Variants in CEP85L observed in about 807,000 individuals in gnomAD.
CEP85L encodes centrosomal protein 85L.
A neutral mutation model predicts 100.3 loss-of-function variants in CEP85L; 60 were observed. That is an observed-to-expected ratio of 0.60 (90% CI 0.49 to 0.74). The LOEUF (loss-of-function observed/expected upper bound fraction) is 0.74. Ranked by LOEUF, CEP85L falls within the 30% of genes least tolerant of loss-of-function variation. CEP85L has a pLI of 0.00. For missense variants in CEP85L, 973 were observed against 936.2 expected (o/e 1.04, Z -0.51); for synonymous variants, 319 against 322.7 (o/e 0.99, Z 0.12).
intron 1 of CEP85L, among the ~76,000 whole-genome samples, chr6:118,678,661 A>C (rs868515633): frequency 6.6e-6 from 1 of 152,256 alleles, no homozygotes; most frequent in Non-Finnish European, 1.5e-5. Flanking sequence ...GCAGCATTAA[A>C]CAATTTATAA....
At chr6:118,709,636 A>G (rs1412282007) in intron 1 of CEP85L, among the ~76,000 whole-genome samples, 6 of 151,950 alleles carry the variant, frequency 3.9e-5, no homozygotes, top group Admixed American at 3.9e-4. Context: ...TTTACGAATA[A>G]TAGGAAAGAC....
At chr6:118,678,307 G>A (rs1169361034) in intron 1 of CEP85L, among the ~76,000 whole-genome samples, 1 of 152,166 alleles carries the variant, frequency 6.6e-6, no homozygotes, top group Non-Finnish European at 1.5e-5. Context: ...AAAACACACT[G>A]GTCATGCATT....
chr6:118,635,991 T>C (rs372687825), intron 1 of CEP85L, among the ~76,000 whole-genome samples: 19 of 152,352 alleles, frequency 1.2e-4, no homozygotes, highest in African/African-American at 4.6e-4. Flanking sequence ...AAAACCTTTT[T>C]CTGTCAAGAG....
At chr6:118,512,113 C>T (rs1776006655) in intron 4 of CEP85L, among the ~76,000 whole-genome samples, 1 of 152,044 alleles carries the variant, frequency 6.6e-6, no homozygotes. Flanking sequence ...CAATTAAGAA[C>T]AGTAATCTCT....
chr6:118,502,842 T>C, intron 5 of CEP85L: 2 of 619,884 alleles, frequency 3.2e-6, no homozygotes, highest in South Asian at 3.2e-5. Context: ...GGGATTTCCA[T>C]TCCTTCCCCT....
At position 118,585,124 on chromosome 6, in the gene CEP85L, G is replaced by C. The variant is rs1024979001; in HGVS notation, c.233-18808C>G. ...AGTAGTCACTCTACATGACATCACT[G>C]AAAGTGTGTCACTCCCTCCAGGCAC... is the stretch of plus-strand genomic sequence containing the variant. On this transcript the variant is annotated intron_variant, in intron 2 of 12. Coordinates refer to ENST00000368491, the MANE Select transcript of CEP85L (RefSeq NM_001042475.3). Among the ~76,000 whole-genome samples the C allele has an allele frequency of 2.6e-5, 4 of 152,310 alleles. No individual in the cohort carries two copies. In the Middle Eastern group the frequency reaches 0.01, roughly 389 times the overall value.
At chr6:118,496,183 A>C (rs544503831) in intron 5 of CEP85L, among the ~76,000 whole-genome samples, 72 of 152,284 alleles carry the variant, frequency 4.7e-4, no homozygotes, top group Admixed American at 7.8e-4. Context: ...TAGCTGAAAA[A>C]TGTCACCTGA....
chr6:118,535,536 T>G (rs1777542164), intron 3 of CEP85L, among the ~76,000 whole-genome samples: 1 of 152,192 alleles, frequency 6.6e-6, no homozygotes, highest in Non-Finnish European at 1.5e-5. Context: ...TGGAAAATTC[T>G]AGAAATAAAG....
At chr6:118,512,493 A>G (rs1264920100) in intron 4 of CEP85L, among the ~76,000 whole-genome samples, 5 of 152,202 alleles carry the variant, frequency 3.3e-5, no homozygotes, top group African/African-American at 1.2e-4. Flanking sequence ...ACAGTTTTGA[A>G]ACCAGTTAAC....
chr6:118,600,370 T>TGCGTGCGTGCGTGG (rs58066356), intron 2 of CEP85L, among the ~76,000 whole-genome samples: 1 of 86,368 alleles, frequency 1.2e-5, no homozygotes, highest in Non-Finnish European at 2.6e-5. Context: ...TGTGTGTGTG[T>TGCGTGCGTGCGTGG]AACGCCATGG....
intron 1 of CEP85L, among the ~76,000 whole-genome samples, chr6:118,633,406 G>A (rs535670280): frequency 7.2e-5 from 11 of 152,030 alleles, no homozygotes; most frequent in East Asian, 3.9e-4. Context: ...AGGTTTCACC[G>A]TGTTAACCAG....
At chr6:118,615,711 G>A (rs550011760) in intron 2 of CEP85L, among the ~76,000 whole-genome samples, 12 of 152,334 alleles carry the variant, frequency 7.9e-5, no homozygotes, top group African/African-American at 2.4e-4. Context: ...GGCTGCAGAC[G>A]GAGGTCATCC....
intron 5 of CEP85L, among the ~76,000 whole-genome samples, chr6:118,508,928 T>C (rs1021261365): frequency 3.9e-5 from 6 of 152,120 alleles, no homozygotes; most frequent in Non-Finnish European, 7.4e-5. Context: ...TGCTGTTTCT[T>C]CTAACCCTCA....
intron 2 of CEP85L, among the ~76,000 whole-genome samples, chr6:118,572,272 T>TAAAAAAAAA (rs572307069): frequency 9.3e-6 from 1 of 107,646 alleles, no homozygotes; most frequent in Non-Finnish European, 1.8e-5. Flanking sequence ...ACCCATTCTT[T>TAAAAAAAAA]AAAAAAAAAA....
At chr6:118,708,135 T>C (rs1179236156) in intron 1 of CEP85L, among the ~76,000 whole-genome samples, 3 of 152,238 alleles carry the variant, frequency 2.0e-5, no homozygotes, top group Admixed American at 2.0e-4. Flanking sequence ...AATATTCATT[T>C]CTTCCTGCAA....
intron 6 of CEP85L, among the ~76,000 whole-genome samples, chr6:118,488,229 T>A (rs1774320308): frequency 6.6e-6 from 1 of 151,724 alleles, no homozygotes; most frequent in Non-Finnish European, 1.5e-5. Context: ...CCAAATCTAA[T>A]AAAACCAAGA....
chr6:118,535,525 A>G (rs1010375662), intron 3 of CEP85L, among the ~76,000 whole-genome samples: 7 of 152,322 alleles, frequency 4.6e-5, no homozygotes, highest in African/African-American at 1.7e-4. Context: ...AATATTAATA[A>G]TGGAAAATTC....
chr6:118,664,051 A>G (rs1776057721), intron 1 of CEP85L, among the ~76,000 whole-genome samples: 2 of 151,328 alleles, frequency 1.3e-5, no homozygotes, highest in Non-Finnish European at 1.5e-5. Context: ...ACGCACCACT[A>G]TGCCTGCCTA....
At chr6:118,605,924 G>GA (rs1772169657) in intron 2 of CEP85L, among the ~76,000 whole-genome samples, 2 of 149,872 alleles carry the variant, frequency 1.3e-5, no homozygotes, top group African/African-American at 4.9e-5. Context: ...TGAGGCAGGA[G>GA]AATCGCTTGA....
Sources: gnomAD v4.1 joint callset for allele counts (sites outside exome capture counted in the v4.1 genomes callset) on GRCh38, gnomAD v4.1.1 for gene constraint, MANE v1.5 for transcripts, NCBI Gene and HGNC (gene_info 2026-07-23, HGNC 2026-07-21) for gene names.